Variants in SMOC2 observed in about 807,000 individuals in gnomAD.
The protein encoded by SMOC2 is SPARC-related modular calcium-binding protein 2.
Under a neutral mutation model 61.4 loss-of-function variants are expected in SMOC2, and 39 were observed. The ratio of observed to expected loss-of-function variants is 0.64; its 90% CI spans 0.49 to 0.83. The LOEUF (loss-of-function observed/expected upper bound fraction) is 0.83. Ranked by LOEUF, SMOC2 falls within the 40% of genes least tolerant of loss-of-function variation. The probability of loss-of-function intolerance (pLI) is 0.00; values close to 1 mark genes in which losing one functional copy is unlikely to be tolerated. For missense variants in SMOC2, 556 were observed against 592.9 expected, an observed-to-expected ratio of 0.94 and a Z score of 0.65; for synonymous variants, 247 against 239.9, an observed-to-expected ratio of 1.03 and a Z score of -0.27.
intron 9 of SMOC2, among the ~76,000 whole-genome samples, chr6:168,624,878 CACACAA>C (rs1452641118): frequency 2.0e-5 from 3 of 151,750 alleles, no homozygotes; most frequent in Admixed American, 6.6e-5. Context: ...CAGAAACACA[CACACAA>C]ACACAGATAC....
chr6:168,655,389 G>A (rs191373771), intron 11 of SMOC2: 81 of 456,618 alleles, frequency 1.8e-4, no homozygotes, highest in African/African-American at 1.0e-3. Flanking sequence ...CTACCCAACC[G>A]TGACAGGAAG....
chr6:168,473,230 G>A (rs1207022343), intron 1 of SMOC2, among the ~76,000 whole-genome samples: 1 of 152,140 alleles, frequency 6.6e-6, no homozygotes, highest in Non-Finnish European at 1.5e-5. Context: ...GCCTGGAGCA[G>A]GGTGGCCAGA....
intron 1 of SMOC2, among the ~76,000 whole-genome samples, chr6:168,506,772 G>GTCCA (rs1265959105): frequency 6.6e-6 from 1 of 152,050 alleles, no homozygotes; most frequent in Admixed American, 6.5e-5. Flanking sequence ...GTCACTCGAT[G>GTCCA]TCCAGTTCAT....
chr6:168,451,610 TCTCTC>T (rs1781466733), intron 1 of SMOC2, among the ~76,000 whole-genome samples: 2 of 151,768 alleles, frequency 1.3e-5, no homozygotes, highest in Middle Eastern at 3.4e-3. Flanking sequence ...TCTCTCTCTC[TCTCTC>T]TCTCTCTCTC....
Position 168,453,918 on chromosome 6 carries a change from C to T in SMOC2, c.84+12464C>T, listed in dbSNP as rs1286325265. Among the ~76,000 whole-genome samples the T allele has an allele frequency of 2.6e-5, 4 of 151,780 alleles. No homozygotes were observed. The highest frequency in any genetic ancestry group is 5.9e-5 in the Non-Finnish European group (4 of 67,968). ...TCTCTTTCTCTCTGTCTTCCTCTCT[C>T]TCTGTCTCTCTGATTCTATCTTTGG... On this transcript the variant is annotated intron_variant, in intron 1 of 12. Transcript: ENST00000356284. This position sits in a 1 kb window ranked among gnomAD's most constrained non-coding sequence, Gnocchi z 4.4.
intron 8 of SMOC2, among the ~76,000 whole-genome samples, chr6:168,599,238 A>T (rs1379809865): frequency 1.4e-5 from 2 of 139,498 alleles, no homozygotes; most frequent in Non-Finnish European, 3.1e-5. Context: ...GGTCTCTCTC[A>T]CACACACCCA....
chr6:168,635,225 T>C (rs1487306429), intron 9 of SMOC2, among the ~76,000 whole-genome samples: 1 of 152,204 alleles, frequency 6.6e-6, no homozygotes, highest in African/African-American at 2.4e-5. Context: ...TGATAAATAA[T>C]TTAAAAGGCA....
chr6:168,510,034 T>C lies in SMOC2; in HGVS notation c.204T>C (p.Arg68=). 6.2e-7 allele frequency: 1 copy of C among 1,614,244 alleles called. No homozygotes were observed. ...RTFLSRCEFQ[R]AKCKDPQLEI... is the part of the protein sequence containing the mutation. ...TCCTTTCCCGTTGTGAATTTCAACGTGCCAAGTGCAAAGATCCCCAGCTAG... is the reference window on the plus strand; with the variant it reads ...TCCTTTCCCGTTGTGAATTTCAACGCGCCAAGTGCAAAGATCCCCAGCTAG... Residue 68 remains arginine, a synonymous_variant, in exon 2 of 13, where the codon CGT becomes CGC. Coordinates refer to ENST00000356284, the MANE Select transcript of SMOC2 (RefSeq NM_001166412.2).
chr6:168,454,882 C>T (rs927538564), intron 1 of SMOC2, among the ~76,000 whole-genome samples: 5 of 152,168 alleles, frequency 3.3e-5, no homozygotes, highest in Non-Finnish European at 4.4e-5. Context: ...AGGTGCACAT[C>T]CTGTGGCCGG....
At chr6:168,559,688 C>T (rs148011986) in intron 7 of SMOC2, among the ~76,000 whole-genome samples, 20 of 152,214 alleles carry the variant, frequency 1.3e-4, no homozygotes, top group Non-Finnish European at 2.2e-4. Context: ...CACCCACCAA[C>T]GGCGTTTCCT....
At chr6:168,646,449 C>T (rs6905238) in intron 9 of SMOC2, among the ~76,000 whole-genome samples, 125,760 of 152,226 alleles carry the variant, frequency 0.83, 52,478 homozygotes, top group African/African-American at 0.91. Context: ...AGACAGGAGG[C>T]GACTGAGGGA....
rs113703461 is a variant in SMOC2 at position 168,628,824 on chromosome 6, G to A, written c.907+20585G>A. 2.1e-3 allele frequency among the ~76,000 whole-genome samples: 313 copies of A among 152,340 alleles called. 2 individuals are homozygous for A. Among genetic ancestry groups the A allele is most frequent in the African/African-American group, 7.1e-3 (296 of 41,580 alleles). On this transcript the variant is annotated intron_variant, in intron 9 of 12. Transcript: ENST00000356284. ...CTGCCTTTGAGCGTGGTGCCCCGCC[G>A]GAGAATGAACTTTAACCAGGCCATT...
At chr6:168,590,760 T>C (rs1411454096) in intron 7 of SMOC2, among the ~76,000 whole-genome samples, 4 of 152,204 alleles carry the variant, frequency 2.6e-5, no homozygotes, top group Admixed American at 6.5e-5. Flanking sequence ...ATTTAAGAGT[T>C]TTTTTAATGT....
At chr6:168,526,568 C>A in intron 3 of SMOC2, 116 bp downstream of exon 3, 1 of 780,264 alleles carries the variant, frequency 1.3e-6, no homozygotes, top group Admixed American at 2.2e-5. Flanking sequence ...CGGGTTTGTT[C>A]TCTGGGGAAA....
chr6:168,547,342 A>T (rs891704612), intron 6 of SMOC2, among the ~76,000 whole-genome samples, 173 bp downstream of exon 6: 2 of 18,426 alleles, frequency 1.1e-4, no homozygotes, highest in Non-Finnish European at 9.8e-5. Context: ...AATCTCTTTA[A>T]AAAAAACAAA....
At chr6:168,655,837 C>T (rs1323715003) in intron 11 of SMOC2, among the ~76,000 whole-genome samples, 1 of 152,184 alleles carries the variant, frequency 6.6e-6, no homozygotes, top group African/African-American at 2.4e-5. Context: ...TGCTAGATCT[C>T]ACTGCACGTA....
At chr6:168,477,567 G>A (rs755245517) in intron 1 of SMOC2, among the ~76,000 whole-genome samples, 3 of 152,142 alleles carry the variant, frequency 2.0e-5, no homozygotes, top group East Asian at 3.8e-4. Context: ...TCTTTCTTTC[G>A]TGGACAGCTC....
chr6:168,659,591 A>G (rs1420597126), intron 11 of SMOC2, among the ~76,000 whole-genome samples: 1 of 111,050 alleles, frequency 9.0e-6, no homozygotes, highest in African/African-American at 3.5e-5. Context: ...TGGAGGTTGT[A>G]GGTTGGGTGA....
chr6:168,513,738 A>G (rs1484057532), intron 2 of SMOC2, among the ~76,000 whole-genome samples: 2 of 152,152 alleles, frequency 1.3e-5, no homozygotes, highest in Non-Finnish European at 2.9e-5. Flanking sequence ...GCTGTTCTCC[A>G]TCAGATAACC....
Sources: gnomAD v4.1 joint callset for allele counts (sites outside exome capture counted in the v4.1 genomes callset) on GRCh38, gnomAD v4.1.1 for gene constraint, Gnocchi (gnomAD v3.1) non-coding constraint, MANE v1.5 for transcripts, NCBI Gene and HGNC (gene_info 2026-07-23, HGNC 2026-07-21) for gene names.